Variants in IGSF3 observed in about 807,000 individuals in gnomAD.
IGSF3 encodes the protein glu-Trp-Ile EWI motif-containing protein 3.
A neutral mutation model predicts 114.4 loss-of-function variants in IGSF3; 23 were observed. That is an observed-to-expected ratio of 0.20 (90% CI 0.14 to 0.28). The LOEUF is 0.28. Among genes scored for constraint, IGSF3 ranks in the 10% least tolerant of loss-of-function variants. IGSF3 has a pLI of 1.00. For synonymous variants in IGSF3, 571 were observed against 645.2 expected (o/e 0.88, Z 1.74); for missense variants, 1,172 against 1,591.5 (o/e 0.74, Z 4.48).
Position 116,614,748 on chromosome 1 carries a change from G to A in IGSF3, c.422-573C>T, listed in dbSNP as rs75844282. Reference sequence around the variant, plus strand: ...CCTATTTTTAGTGGGTTTAATTTTCGCATAATTCATCGATCAAAGGGGTCC... The same window carrying A: ...CCTATTTTTAGTGGGTTTAATTTTCACATAATTCATCGATCAAAGGGGTCC... On this transcript the variant is annotated intron_variant, in intron 3 of 10. Transcript: ENST00000369486. The surrounding 1 kb of genome is among the most constrained non-coding windows in gnomAD (Gnocchi z 4.5). Among the ~76,000 whole-genome samples, 8 of 151,918 alleles carry A rather than the reference G, an allele frequency of 5.3e-5. No homozygotes were observed. Among genetic ancestry groups the A allele is most frequent in the Admixed American group, 2.6e-4 (4 of 15,278 alleles).
Position 116,616,234 on chromosome 1 carries a change from G to A in IGSF3, c.267C>T (p.Arg89=), listed in dbSNP as rs375414833. ...CTCTTTCTATGAAGATCTTCCCTCC[G>A]CGGACGCGCTGGGTGTAGATGGCAT... ...FPYAIYTQRV[R]GGKIFIERVQ... Residue 89 remains arginine, a synonymous_variant, in exon 3 of 11, where the codon CGC becomes CGT. Coordinates refer to ENST00000369486, the MANE Select transcript of IGSF3 (RefSeq NM_001007237.3). This position sits in a 1 kb window ranked among gnomAD's most constrained non-coding sequence, Gnocchi z 6.6. 7.0e-5 allele frequency: 113 copies of A among 1,613,460 alleles called. 1 individual carries two copies. The highest frequency in any genetic ancestry group is 4.6e-4 in the South Asian group (42 of 91,046).
chr1:116,653,468 C>A (rs1648720261), intron 2 of IGSF3, among the ~76,000 whole-genome samples: 1 of 152,186 alleles, frequency 6.6e-6, no homozygotes, highest in Non-Finnish European at 1.5e-5. Flanking sequence ...TCAAATGAGG[C>A]CCAGCTCTCC....
Position 116,607,872 on chromosome 1 carries a change from C to G in IGSF3, c.1222+70G>C, listed in dbSNP as rs74111640. 5.7e-3 allele frequency: 8,426 copies of G among 1,468,338 alleles called. 373 individuals are homozygous for G. In the African/African-American group the frequency reaches 0.098, roughly 17 times the overall value. 91.0% of individuals were successfully genotyped at this position (1,468,338 alleles called of 1,614,324 possible). Reference sequence around the variant, plus strand: ...CTCCCCTCACCTTCACCACGCTATTCTCTCTCCCCCTACCTCTCCTAAATG... The same window carrying G: ...CTCCCCTCACCTTCACCACGCTATTGTCTCTCCCCCTACCTCTCCTAAATG... On this transcript the variant is annotated intron_variant, in intron 5 of 10. Coordinates refer to ENST00000369486, the MANE Select transcript of IGSF3 (RefSeq NM_001007237.3). This position sits in a 1 kb window ranked among gnomAD's most constrained non-coding sequence, Gnocchi z 6.1.
intron 2 of IGSF3, among the ~76,000 whole-genome samples, chr1:116,641,495 C>CAAAAAA (rs57930787): frequency 1.4e-3 from 58 of 40,496 alleles, no homozygotes; most frequent in African/African-American, 1.8e-3. Flanking sequence ...GACTCTGTCT[C>CAAAAAA]AAAAAAAAAA....
In IGSF3 at chr1:116,649,630, A is replaced by T. The variant is rs1648545121; in HGVS notation, c.43+16654T>A. On this transcript the variant is annotated intron_variant, in intron 2 of 10. Transcript: ENST00000369486. This position sits in a 1 kb window ranked among gnomAD's most constrained non-coding sequence, Gnocchi z 4.5. ...TCACTCCCTCCCCGCACTGCTATCA[A>T]CTCAAATGTGAGTTATTCCAGTAGC... is the stretch of plus-strand genomic sequence containing the variant. 6.6e-6 allele frequency among the ~76,000 whole-genome samples: 1 copy of T among 151,952 alleles called. No individual in the cohort carries two copies. Among genetic ancestry groups the T allele is most frequent in the Non-Finnish European group, 1.5e-5 (1 of 67,976 alleles).
intron 8 of IGSF3, among the ~76,000 whole-genome samples, chr1:116,587,228 A>G (rs1024593482): frequency 2.0e-5 from 3 of 152,196 alleles, no homozygotes; most frequent in African/African-American, 4.8e-5. Context: ...GTATATATAT[A>G]TGTATTCTAG....
rs1557886129 is a variant in IGSF3, at chr1:116,651,635, T to C, written c.43+14649A>G. On this transcript the variant is annotated intron_variant, in intron 2 of 10. Coordinates refer to ENST00000369486, the MANE Select transcript of IGSF3 (RefSeq NM_001007237.3). The surrounding 1 kb of genome is among the most constrained non-coding windows in gnomAD (Gnocchi z 4.4). ...CATATTGACTGAGCAACTATTAGGT[T>C]GAACTATGTGACATTATTGACATTC... Among the ~76,000 whole-genome samples, 2 of 152,224 alleles carry C rather than the reference T, an allele frequency of 1.3e-5. No homozygotes were observed. Among genetic ancestry groups the C allele is most frequent in the African/African-American group, 4.8e-5 (2 of 41,458 alleles).
chr1:116,598,498 A>G lies in IGSF3; in HGVS notation c.2029+1443T>C, dbSNP rs749947154. Among the ~76,000 whole-genome samples, 4 of 152,220 alleles carry G rather than the reference A, an allele frequency of 2.6e-5. No individual in the cohort carries two copies. The highest frequency in any genetic ancestry group is 5.9e-5 in the Non-Finnish European group (4 of 68,036). Reference sequence around the variant, plus strand: ...CATTTATACAACTCACTTGTTCCAAATCTGGTACAGAACAGAACTCTGTTA... The same window carrying G: ...CATTTATACAACTCACTTGTTCCAAGTCTGGTACAGAACAGAACTCTGTTA... On this transcript the variant is annotated intron_variant, in intron 7 of 10. Coordinates refer to ENST00000369486, the MANE Select transcript of IGSF3 (RefSeq NM_001007237.3). The surrounding 1 kb of genome is among the most constrained non-coding windows in gnomAD (Gnocchi z 4.3).
chr1:116,604,771 C>T (rs1259454125), intron 5 of IGSF3, among the ~76,000 whole-genome samples: 4 of 152,184 alleles, frequency 2.6e-5, no homozygotes, highest in Non-Finnish European at 5.9e-5. Context: ...GATAAGGATT[C>T]CACTCCCTTC....
rs867691355 is a variant in IGSF3, at chr1:116,666,760, A to G, written c.-434T>C. 2.3e-6 allele frequency: 1 copy of G among 426,730 alleles called. No individual in the cohort carries two copies. Among genetic ancestry groups the G allele is most frequent in the Non-Finnish European group, 4.1e-6 (1 of 242,862 alleles). 26.4% of individuals were successfully genotyped at this position (426,730 alleles called of 1,614,324 possible). A position where few individuals can be genotyped will look rare whatever the true frequency, so the allele number is the denominator to read the frequency against. On this transcript the variant is annotated 5_prime_UTR_variant, in exon 2 of 11. Transcript: ENST00000369486. ...CTCATTCGGATTCCCCAGAGAGAAC[A>G]GGGCAGGTTTCGTCAAAACCTTTGA...
chr1:116,642,176 T>C lies in IGSF3; in HGVS notation c.43+24108A>G, dbSNP rs1313551166. On this transcript the variant is annotated intron_variant, in intron 2 of 10. Coordinates refer to ENST00000369486, the MANE Select transcript of IGSF3 (RefSeq NM_001007237.3). This position sits in a 1 kb window ranked among gnomAD's most constrained non-coding sequence, Gnocchi z 5.4. ...TTGAAATATAGAACATTTCATTTTT[T>C]TCCCACACACCTCGCATCTGATTTT... is the stretch of plus-strand genomic sequence containing the variant. Among the ~76,000 whole-genome samples the C allele has an allele frequency of 1.3e-5, 2 of 152,322 alleles. No individual in the cohort carries two copies. Among genetic ancestry groups the C allele is most frequent in the African/African-American group, 2.4e-5 (1 of 41,562 alleles).
At position 116,579,300 on chromosome 1, in the gene IGSF3, C is replaced by CT. The variant is rs2101288777; in HGVS notation, c.3334+91dup. Reference sequence around the variant, plus strand: ...TAAATGCCCATGACAGTTAAGAAAACTGTTTATTAACCCATAATCAAGCTC... The same window carrying CT: ...TAAATGCCCATGACAGTTAAGAAAACTTGTTTATTAACCCATAATCAAGCTC... On this transcript the variant is annotated intron_variant, in intron 10 of 10. Transcript: ENST00000369486. The surrounding 1 kb of genome is among the most constrained non-coding windows in gnomAD (Gnocchi z 6.4). The CT allele has an allele frequency of 6.9e-7, 1 of 1,457,710 alleles. No individual in the cohort carries two copies. Among genetic ancestry groups the CT allele is most frequent in the East Asian group, 2.3e-5 (1 of 43,324 alleles). The allele number at this position is 1,457,710 out of a possible 1,614,324, so 90.3% of individuals were successfully genotyped here. A position where few individuals can be genotyped will look rare whatever the true frequency, so the allele number is the denominator to read the frequency against.
chr1:116,656,569 C>T (rs566266148), intron 2 of IGSF3, among the ~76,000 whole-genome samples: 1 of 151,962 alleles, frequency 6.6e-6, no homozygotes, highest in Admixed American at 6.6e-5. Context: ...GGATTACAGG[C>T]GTGACTTTCT....
chr1:116,659,969 A>G (rs1359985625), intron 2 of IGSF3, among the ~76,000 whole-genome samples: 1 of 152,108 alleles, frequency 6.6e-6, no homozygotes, highest in African/African-American at 2.4e-5. Flanking sequence ...TGCACTGCAC[A>G]CCCAAAGCCA....
At chr1:116,656,262 A>AGGGGAACT (rs1648841561) in intron 2 of IGSF3, among the ~76,000 whole-genome samples, 1 of 145,876 alleles carries the variant, frequency 6.9e-6, no homozygotes, top group Admixed American at 6.8e-5. Context: ...ATAGACAAGG[A>AGGGGAACT]GGGGAACTTT....
At chr1:116,578,042 T>C (rs948373224) in intron 10 of IGSF3, among the ~76,000 whole-genome samples, 2 of 152,210 alleles carry the variant, frequency 1.3e-5, no homozygotes, top group African/African-American at 4.8e-5. Flanking sequence ...ACCTGATTAA[T>C]GTTATCAATT....
rs1050026752 is a variant in IGSF3 at position 116,650,944 on chromosome 1, G to A, written c.43+15340C>T. The stretch of plus-strand genomic sequence containing the variant: ...TCCCAGTTCCACAGATAGGGAGCAG[G>A]CCCCAGGCCAGAGTGCTGGGCTTCT... On this transcript the variant is annotated intron_variant, in intron 2 of 10. Coordinates refer to ENST00000369486, the MANE Select transcript of IGSF3 (RefSeq NM_001007237.3). The surrounding 1 kb of genome is among the most constrained non-coding windows in gnomAD (Gnocchi z 5.0). Among the ~76,000 whole-genome samples, 3 of 152,208 alleles carry A rather than the reference G, an allele frequency of 2.0e-5. No individual in the cohort carries two copies. Among genetic ancestry groups the A allele is most frequent in the Non-Finnish European group, 2.9e-5 (2 of 68,044 alleles).
rs1661197780 is a variant in IGSF3 at position 116,615,904 on chromosome 1, A to T, written c.421+176T>A. Reference sequence around the variant, plus strand: ...TTTAAAGTTTCACCCTCAACCACCTATTATTTAGAAGTGAACACAGAAATT... The same window carrying T: ...TTTAAAGTTTCACCCTCAACCACCTTTTATTTAGAAGTGAACACAGAAATT... On this transcript the variant is annotated intron_variant, in intron 3 of 10. Transcript: ENST00000369486. This position sits in a 1 kb window ranked among gnomAD's most constrained non-coding sequence, Gnocchi z 4.3. Among the ~76,000 whole-genome samples, 1 of 152,210 alleles carries T rather than the reference A, an allele frequency of 6.6e-6. No homozygotes were observed. Among genetic ancestry groups the T allele is most frequent in the Non-Finnish European group, 1.5e-5 (1 of 68,026 alleles).
intron 2 of IGSF3, among the ~76,000 whole-genome samples, chr1:116,619,605 AC>A (rs1464617550): frequency 6.6e-6 from 1 of 152,054 alleles, no homozygotes; most frequent in Non-Finnish European, 1.5e-5. Flanking sequence ...CCCCTTCCAC[AC>A]ATCCCACCCC....
Sources: allele counts gnomAD v4.1 joint callset (sites outside exome capture counted in the v4.1 genomes callset), GRCh38; gene constraint gnomAD v4.1.1; non-coding constraint Gnocchi (gnomAD v3.1); transcripts MANE v1.5; gene names NCBI Gene and HGNC (gene_info 2026-07-23, HGNC 2026-07-21).